The following CDKL1 variants were observed in gnomAD, a reference collection of about 807,000 sequenced individuals.
CDKL1 encodes cyclin dependent kinase like 1.
A neutral mutation model predicts 42.0 loss-of-function variants in CDKL1; 41 were observed. The ratio of observed to expected loss-of-function variants is 0.98; its 90% CI spans 0.76 to 1.27. CDKL1 has a LOEUF of 1.27. CDKL1 is among the 50% of genes most tolerant of loss of function. The pLI is 0.00. For synonymous variants in CDKL1, 153 were observed against 158.6 expected, an observed-to-expected ratio of 0.96 and a Z score of 0.26; for missense variants, 394 against 428.4, an observed-to-expected ratio of 0.92 and a Z score of 0.71.
chr14:50,385,697 G>A (rs756661595), intron 2 of CDKL1, among the ~76,000 whole-genome samples: 12 of 151,750 alleles, frequency 7.9e-5, no homozygotes, highest in Admixed American at 2.6e-4. Context: ...CCAGCTACTC[G>A]GGAGGCTGAA....
At chr14:50,332,747 C>T (rs2033029659) in intron 8 of CDKL1, 1 of 1,329,264 alleles carries the variant, frequency 7.5e-7, no homozygotes, top group African/African-American at 1.5e-5. Context: ...ATGGGGTAAT[C>T]CATTTAGCCA....
intron 3 of CDKL1, among the ~76,000 whole-genome samples, chr14:50,354,592 T>A (rs1052152426): frequency 6.6e-6 from 1 of 152,240 alleles, no homozygotes; most frequent in Non-Finnish European, 1.5e-5. Context: ...CAAAGTTTTT[T>A]AAATTCTGTA....
chr14:50,371,282 G>A (rs1199029906), intron 2 of CDKL1, among the ~76,000 whole-genome samples: 4 of 152,148 alleles, frequency 2.6e-5, no homozygotes, highest in Non-Finnish European at 5.9e-5. Context: ...GGATCATATG[G>A]TAATTCTATT....
At chr14:50,375,761 C>T (rs182315418) in intron 2 of CDKL1, among the ~76,000 whole-genome samples, 12 of 151,930 alleles carry the variant, frequency 7.9e-5, no homozygotes, top group African/African-American at 1.7e-4. Flanking sequence ...GGTGCCACTG[C>T]GCTCCAGCCT....
intron 2 of CDKL1, among the ~76,000 whole-genome samples, chr14:50,366,049 A>G (rs561603864): frequency 5.3e-5 from 8 of 152,242 alleles, no homozygotes; most frequent in Middle Eastern, 3.4e-3. Flanking sequence ...GTGGGACTTC[A>G]TCTTGTGATC....
chr14:50,370,109 C>G (rs2034549818), intron 2 of CDKL1, among the ~76,000 whole-genome samples: 1 of 151,102 alleles, frequency 6.6e-6, no homozygotes, highest in Admixed American at 6.6e-5. Context: ...TGCTCTGTCA[C>G]CCAGGCTGGA....
chr14:50,353,988 CTT>C (rs2033980890), intron 3 of CDKL1, among the ~76,000 whole-genome samples: 1 of 139,998 alleles, frequency 7.1e-6, no homozygotes, highest in Non-Finnish European at 1.5e-5. Flanking sequence ...GAGTTTTGCT[CTT>C]GTCACCCAGG....
At chr14:50,392,220 C>T (rs1372086130) in intron 2 of CDKL1, among the ~76,000 whole-genome samples, 9 of 152,072 alleles carry the variant, frequency 5.9e-5, no homozygotes, top group African/African-American at 1.4e-4. Context: ...CCAAGGTGGG[C>T]GGGTCATTTG....
At chr14:50,375,190 TAA>T (rs1477251455) in intron 2 of CDKL1, among the ~76,000 whole-genome samples, 1 of 152,002 alleles carries the variant, frequency 6.6e-6, no homozygotes, top group Non-Finnish European at 1.5e-5. Context: ...CAGAAAATAA[TAA>T]AGTGTTAAAA....
chr14:50,360,905 T>C (rs531996571), intron 2 of CDKL1, among the ~76,000 whole-genome samples: 6 of 152,320 alleles, frequency 3.9e-5, no homozygotes, highest in African/African-American at 7.2e-5. Context: ...AATATCGCAT[T>C]GTATGAATAT....
intron 2 of CDKL1, among the ~76,000 whole-genome samples, chr14:50,388,130 C>G (rs923101675): frequency 6.6e-6 from 1 of 152,162 alleles, no homozygotes; most frequent in African/African-American, 2.4e-5. Flanking sequence ...ACCTCGTGAT[C>G]CACCTGCCTC....
intron 2 of CDKL1, among the ~76,000 whole-genome samples, chr14:50,368,218 C>G (rs890206920): frequency 5.9e-5 from 9 of 152,166 alleles, no homozygotes; most frequent in African/African-American, 2.2e-4. Flanking sequence ...CCTCGTCCTC[C>G]CAAAATGCTG....
chr14:50,381,902 C>A (rs1410739543), intron 2 of CDKL1, among the ~76,000 whole-genome samples: 1 of 152,072 alleles, frequency 6.6e-6, no homozygotes, highest in Non-Finnish European at 1.5e-5. Context: ...CCTCCCAAAG[C>A]GCTGGAATCA....
In CDKL1 at chr14:50,330,173, G is replaced by C; in HGVS notation, c.975C>G (p.Tyr325Ter). The C allele has an allele frequency of 6.2e-7, 1 of 1,604,208 alleles. No homozygotes were observed. Among genetic ancestry groups the C allele is most frequent in the Non-Finnish European group, 8.5e-7 (1 of 1,178,024 alleles). The part of the protein sequence containing the change: ...HCFTETSKLQ[Y>*]LPQLTGSSIL... ...TGCTGCTGCCAGTTAGCTGGGGTAGGTACTGCAACTAAAAATGCAAAACAC... is the reference window on the plus strand; with the variant it reads ...TGCTGCTGCCAGTTAGCTGGGGTAGCTACTGCAACTAAAAATGCAAAACAC... The change falls in exon 10 of 10, where the codon TAC becomes TAG. Residue 325 changes from tyrosine (Y) to a stop codon, truncating the protein, a stop_gained. Coordinates refer to ENST00000395834, the MANE Select transcript of CDKL1 (RefSeq NM_004196.7). LOFTEE classifies it high-confidence loss of function.
In CDKL1 at chr14:50,372,353, G is replaced by T. The variant is rs1291189789; in HGVS notation, c.169-13204C>A. Among the ~76,000 whole-genome samples the T allele has an allele frequency of 7.2e-5, 11 of 152,062 alleles. No homozygotes were observed. The South Asian group carries it at 8.3e-4, about 11-fold the overall frequency. ...GACTGGTCTCAAACTCCTGACCTCA[G>T]GTGATCTGCCTGCCTCAGCCTCCCA... On this transcript the variant is annotated intron_variant, in intron 2 of 9. Transcript: ENST00000395834.
chr14:50,341,711 G>T (rs1173418870), intron 5 of CDKL1, among the ~76,000 whole-genome samples: 3 of 151,444 alleles, frequency 2.0e-5, no homozygotes, highest in Non-Finnish European at 4.4e-5. Context: ...AACTGGGGAG[G>T]TCGAGACTGT....
chr14:50,335,120 T>TGTC (rs1491563768), intron 7 of CDKL1, among the ~76,000 whole-genome samples: 5 of 150,934 alleles, frequency 3.3e-5, no homozygotes, highest in African/African-American at 4.9e-5. Flanking sequence ...AAACCCTGTC[T>TGTC]GTCTCTCTAA....
intron 7 of CDKL1, 87 bp from the exon 8 acceptor site, chr14:50,334,708 C>G: frequency 1.2e-6 from 1 of 863,156 alleles, no homozygotes; most frequent in Non-Finnish European, 2.0e-6. Context: ...GAAACATTTT[C>G]CTGGCACCTT....
At chr14:50,384,078 AATG>A (rs1209981826) in intron 2 of CDKL1, among the ~76,000 whole-genome samples, 1 of 152,230 alleles carries the variant, frequency 6.6e-6, no homozygotes, top group Non-Finnish European at 1.5e-5. Flanking sequence ...AGGGAGAGAT[AATG>A]ATAAGAGGAT....
Sources: allele counts gnomAD v4.1 joint callset (sites outside exome capture counted in the v4.1 genomes callset), GRCh38; gene constraint gnomAD v4.1.1; transcripts MANE v1.5; gene names NCBI Gene and HGNC (gene_info 2026-07-23, HGNC 2026-07-21).